NEB: variants seen among roughly 807,000 people sequenced by gnomAD.
The protein encoded by NEB is nebulin, also known as nemaline myopathy type 2.
In NEB, 512 loss-of-function variants were observed where a neutral mutation model predicts 952.2. The observed-to-expected ratio is 0.54, with a 90% confidence interval of 0.50 to 0.58. NEB has a LOEUF of 0.58. Among genes scored for constraint, NEB ranks in the 20% least tolerant of loss-of-function variants. The pLI, the probability that NEB is intolerant of heterozygous loss-of-function variation, is 0.00. For missense variants in NEB, 8,428 were observed against 9,231.1 expected (o/e 0.91, Z 3.56); for synonymous variants, 2,900 against 3,149.8 (o/e 0.92, Z 2.66).
intron 81 of NEB, among the ~76,000 whole-genome samples, 158 bp downstream of exon 81, chr2:151,609,651 A>G (rs910447252): frequency 2.0e-5 from 3 of 152,236 alleles, no homozygotes; most frequent in African/African-American, 7.2e-5. Context: ...TTACTACTAA[A>G]GATGGATTTT....
rs183946443 is a variant in NEB at position 151,613,953 on chromosome 2, C to T, written c.11601+323G>A. On this transcript the variant is annotated intron_variant, in intron 77 of 181. Coordinates refer to ENST00000397345, the MANE Select transcript of NEB (RefSeq NM_001164508.2). ...GTAGTTCTTTATAGCACTGTGAGAA[C>T]AGACTAGTACAGAGTTGTTGCTGAT... Among the ~76,000 whole-genome samples the T allele has an allele frequency of 2.2e-4, 34 of 152,294 alleles. No homozygotes were observed. The Middle Eastern group carries it at 0.014, about 61-fold the overall frequency.
intron 161 of NEB, among the ~76,000 whole-genome samples, chr2:151,511,541 C>G (rs7558940): frequency 0.64 from 97,322 of 152,016 alleles, 31,500 homozygotes; most frequent in East Asian, 0.77. Context: ...GTTGGACCAG[C>G]GAATCTACAT....
intron 72 of NEB, among the ~76,000 whole-genome samples, chr2:151,620,347 G>GTGTA (rs1441051822): frequency 4.5e-4 from 22 of 48,462 alleles, no homozygotes; most frequent in African/African-American, 1.1e-3. Flanking sequence ...GTATGTGTGT[G>GTGTA]TATATATATA....
rs182011930 is a variant in NEB at position 151,629,680 on chromosome 2, G to T, written c.9724-34C>A. 1.6e-5 allele frequency: 25 copies of T among 1,542,432 alleles called. No individual in the cohort carries two copies. The African/African-American group carries it at 3.0e-4, about 18-fold the overall frequency. On this transcript the variant is annotated intron_variant, in intron 67 of 181. Coordinates refer to ENST00000397345, the MANE Select transcript of NEB (RefSeq NM_001164508.2). ...AGAAAGGCAAAGAGTTAAAGCAAAA[G>T]GTTTGACATCAACAATTCAGAGATT... is the stretch of plus-strand genomic sequence containing the variant.
chr2:151,506,913 C>G lies in NEB; in HGVS notation c.23552G>C (p.Ser7851Thr), dbSNP rs1361240596. The change falls in exon 163 of 182, where the codon AGC (serine) becomes ACC (threonine). Residue 7851 changes from serine to threonine, a missense_variant. Physicochemically the swap from Ser to Thr is moderately conservative, Grantham distance 58 (BLOSUM62 1). Around this residue, in one of 11 missense-constraint regions of NEB, gnomAD observed 3,374 missense variants for 3,651.5 expected, o/e 0.92. Coordinates refer to ENST00000397345, the MANE Select transcript of NEB (RefSeq NM_001164508.2). ...LRVKENQKNFSSVLYKEDVSP... is the reference protein window; with the variant it reads ...LRVKENQKNFTSVLYKEDVSP... ...CAAAATAAATAGTAAATATACCGAG[C>G]TGAAATTCTTCTGATTTTCTTTTAC... 6.3e-7 allele frequency: 1 copy of G among 1,590,238 alleles called. No homozygotes were observed. Among genetic ancestry groups the G allele is most frequent in the Non-Finnish European group, 8.6e-7 (1 of 1,160,066 alleles).
intron 131 of NEB, 99 bp downstream of exon 131, chr2:151,548,209 A>G (rs915534698): frequency 2.0e-6 from 2 of 998,066 alleles, no homozygotes; most frequent in Non-Finnish European, 3.1e-6. Context: ...GCTGGTATGT[A>G]AGTTTACAAC....
At chr2:151,708,237 A>G (rs932778164) in intron 12 of NEB, among the ~76,000 whole-genome samples, 15 of 152,144 alleles carry the variant, frequency 9.9e-5, no homozygotes, top group African/African-American at 3.4e-4. Flanking sequence ...CTCTTTACCC[A>G]GTTTTTCATT....
intron 76 of NEB, 44 bp downstream of exon 76, chr2:151,615,958 A>G: frequency 7.0e-7 from 1 of 1,421,832 alleles, no homozygotes; most frequent in Non-Finnish European, 9.8e-7. Flanking sequence ...TCTATTTGTC[A>G]ACATCTTTGA....
chr2:151,503,130 T>C (rs1309665753), intron 166 of NEB: 13 of 593,102 alleles, frequency 2.2e-5, no homozygotes, highest in Admixed American at 3.2e-5. Flanking sequence ...TTAATTCTAC[T>C]TATAGTATTT....
intron 40 of NEB, among the ~76,000 whole-genome samples, chr2:151,667,410 A>G (rs2099232836): frequency 6.6e-6 from 1 of 152,160 alleles, no homozygotes; most frequent in South Asian, 2.1e-4. Context: ...AATATGTGAA[A>G]AATATTTTAA....
At chr2:151,500,108 G>A (rs1174307517) in intron 168 of NEB, among the ~76,000 whole-genome samples, 1 of 151,804 alleles carries the variant, frequency 6.6e-6, no homozygotes, top group Non-Finnish European at 1.5e-5. Flanking sequence ...CAACCCACAG[G>A]GAAAACAATG....
chr2:151,669,264 A>G (rs761072089), intron 38 of NEB, 133 bp from the exon 39 acceptor site: 12 of 639,820 alleles, frequency 1.9e-5, no homozygotes, highest in Non-Finnish European at 3.0e-5. Context: ...ACTCTGTCAT[A>G]AGGGAGGGGC....
In NEB at chr2:151,656,315, G is replaced by T; in HGVS notation, c.6333C>A (p.Thr2111=). Residue 2111 remains threonine (T), a synonymous_variant, in exon 49 of 182, where the codon ACC becomes ACA. Coordinates refer to ENST00000397345, the MANE Select transcript of NEB (RefSeq NM_001164508.2). Reference sequence around the variant, plus strand: ...GCATGTCGGCAGGGGTGTGGTAGCTGGTCTTTGTGTTCTCATAGTTTTTCT... The same window carrying T: ...GCATGTCGGCAGGGGTGTGGTAGCTTGTCTTTGTGTTCTCATAGTTTTTCT... The part of the protein sequence containing the change: ...EYKKNYENTK[T]SYHTPADMLS... 1 of 1,613,576 alleles carries T rather than the reference G, an allele frequency of 6.2e-7. No homozygotes were observed.
At chr2:151,554,199 G>A (rs2095496580) in intron 125 of NEB, among the ~76,000 whole-genome samples, 174 bp from the exon 126 acceptor site, 1 of 152,130 alleles carries the variant, frequency 6.6e-6, no homozygotes, top group Non-Finnish European at 1.5e-5. Flanking sequence ...AAAAAATAAA[G>A]CATTATAGCT....
Position 151,642,853 on chromosome 2 carries a change from G to C in NEB, c.8177C>G (p.Ala2726Gly). Residue 2726 changes from alanine to glycine, a missense_variant, in exon 59 of 182, where the codon GCT (alanine) becomes GGT (glycine). Physicochemically the swap from Ala to Gly is moderately conservative, Grantham distance 60. This residue lies in a region of NEB where 1,772 missense variants were observed against 1,960.3 expected (regional missense o/e 0.90). Coordinates refer to ENST00000397345, the MANE Select transcript of NEB (RefSeq NM_001164508.2). ...GACAGTGGTTTTATCTTTATCCCAA[G>C]CTTCTGTATAGAGGCGCTAAGAGAA... ...ITMNHRLYTE[A>G]WDKDKTTVHI... is the part of the protein sequence containing the mutation. 1 of 1,610,918 alleles carries C rather than the reference G, an allele frequency of 6.2e-7. No individual in the cohort carries two copies. The highest frequency in any genetic ancestry group is 8.5e-7 in the Non-Finnish European group (1 of 1,178,100).
intron 6 of NEB, 141 bp downstream of exon 6, chr2:151,725,312 G>A (rs1428804280): frequency 4.1e-6 from 3 of 723,406 alleles, no homozygotes; most frequent in Non-Finnish European, 4.6e-6. Context: ...CATGATCTAT[G>A]GTTCATGCTT....
At chr2:151,655,184 A>ATT in intron 51 of NEB, 86 bp downstream of exon 51, 1 of 801,570 alleles carries the variant, frequency 1.2e-6, no homozygotes, top group East Asian at 2.9e-5. Flanking sequence ...TTGCTTCAAC[A>ATT]TTTATATCAG....
At chr2:151,705,827 A>G (rs901541249) in intron 13 of NEB, among the ~76,000 whole-genome samples, 1 of 152,204 alleles carries the variant, frequency 6.6e-6, no homozygotes, top group Non-Finnish European at 1.5e-5. Flanking sequence ...AGGAATGAAA[A>G]ACCAAATATC....
Position 151,540,800 on chromosome 2 carries a change from T to C in NEB, c.20684A>G (p.Tyr6895Cys). 2 of 1,608,244 alleles carry C rather than the reference T, an allele frequency of 1.2e-6. No homozygotes were observed. The highest frequency in any genetic ancestry group is 1.7e-6 in the Non-Finnish European group (2 of 1,174,834). ...TTTGGTGGCAAGTTCAACATACAGA[T>C]ACTGAATAATAGAAGAAAGTGAGGT... ...AKRGQKLQSQYLYVELATKER... is the reference protein window; with the variant it reads ...AKRGQKLQSQCLYVELATKER... The change falls in exon 137 of 182, where the codon TAT becomes TGT. Residue 6895 changes from tyrosine to cysteine, a missense_variant and splice_region_variant. Coordinates refer to ENST00000397345, the MANE Select transcript of NEB (RefSeq NM_001164508.2).
Sources: allele counts gnomAD v4.1 joint callset (sites outside exome capture counted in the v4.1 genomes callset), GRCh38; gene constraint gnomAD v4.1.1; regional missense constraint gnomAD v4.1.1; transcripts MANE v1.5; gene names NCBI Gene and HGNC (gene_info 2026-07-23, HGNC 2026-07-21).